BMP6: variants seen among roughly 807,000 people sequenced by gnomAD.
BMP6 encodes bone morphogenetic protein 6.
BMP6 carries 17 observed loss-of-function variants against 54.1 expected under a neutral mutation model. The observed-to-expected ratio is 0.31, with a 90% CI of 0.22 to 0.47. The LOEUF (loss-of-function observed/expected upper bound fraction) is 0.47. Ranked by LOEUF, BMP6 falls within the 20% of genes least tolerant of loss-of-function variation. The pLI, the probability that BMP6 is intolerant of heterozygous loss-of-function variation, is 1.00. For missense variants in BMP6, 720 were observed against 690.4 expected, an observed-to-expected ratio of 1.04 and a Z score of -0.48; for synonymous variants, 328 against 291.2, an observed-to-expected ratio of 1.13 and a Z score of -1.28.
chr6:7,782,358 T>C (rs1306730035), intron 1 of BMP6, among the ~76,000 whole-genome samples: 1 of 151,962 alleles, frequency 6.6e-6, no homozygotes, highest in African/African-American at 2.4e-5. Context: ...GTTGACAGAG[T>C]TCTGGAGGCT....
intron 1 of BMP6, among the ~76,000 whole-genome samples, chr6:7,745,932 C>T (rs1266476255): frequency 6.6e-6 from 1 of 152,070 alleles, no homozygotes. Flanking sequence ...TGCGTCACTA[C>T]ATTCCAGCCT....
intron 1 of BMP6, among the ~76,000 whole-genome samples, chr6:7,808,164 C>T (rs1250171170): frequency 6.6e-6 from 1 of 152,076 alleles, no homozygotes; most frequent in Admixed American, 6.5e-5. Context: ...TTGTGATCTG[C>T]CCACCTCGGC....
rs572976988 is a variant in BMP6, at chr6:7,760,458, C to CTTAT, written c.664+32854_664+32857dup. Among the ~76,000 whole-genome samples, 341 of 151,820 alleles carry CTTAT rather than the reference C, an allele frequency of 2.2e-3. 2 individuals carry two copies. Among genetic ancestry groups the CTTAT allele is most frequent in the African/African-American group, 7.9e-3 (327 of 41,414 alleles). On this transcript the variant is annotated intron_variant, in intron 1 of 6. Coordinates refer to ENST00000283147, the MANE Select transcript of BMP6 (RefSeq NM_001718.6). ...TTAGCTCTCTTGGACCATAGTTTTA[C>CTTAT]TTATTTATTTATTTATTTGTTTCTT...
chr6:7,855,985 T>C (rs1759224420), intron 2 of BMP6, among the ~76,000 whole-genome samples: 1 of 152,220 alleles, frequency 6.6e-6, no homozygotes, highest in Non-Finnish European at 1.5e-5. Flanking sequence ...ATGTTAATAT[T>C]CTAACAGCAA....
chr6:7,801,901 TAC>T (rs1213517991), intron 1 of BMP6, among the ~76,000 whole-genome samples: 2 of 152,186 alleles, frequency 1.3e-5, no homozygotes, highest in East Asian at 3.8e-4. Context: ...GGTCCTATAC[TAC>T]AATTGATGAA....
At position 7,881,587 on chromosome 6, in the gene BMP6, T is replaced by C. The variant is rs1759739818; in HGVS notation, c.*1244T>C. On this transcript the variant is annotated 3_prime_UTR_variant, in exon 7 of 7. Coordinates refer to ENST00000283147, the MANE Select transcript of BMP6 (RefSeq NM_001718.6). ...AACAAATTGTACCACTTTGATTTTC[T>C]TGGAATACAAGACTCGTGATGCAAA... is the stretch of plus-strand genomic sequence containing the variant. 1 of 152,284 alleles carries C rather than the reference T, an allele frequency of 6.6e-6. No homozygotes were observed. Among genetic ancestry groups the C allele is most frequent in the African/African-American group, 2.4e-5 (1 of 41,456 alleles). 9.4% of individuals were successfully genotyped at this position (152,284 alleles called of 1,614,324 possible).
In BMP6 at chr6:7,726,521, C is replaced by T. The variant is rs1201078537; in HGVS notation, c.-435C>T. On this transcript the variant is annotated 5_prime_UTR_variant, in exon 1 of 7. Transcript: ENST00000283147. Reference sequence around the variant, plus strand: ...CATCTCCCGCAGCTCGTGAGCGGCCCCGCTCCCCGCTGCCCCGGGTCCCAC... The same window carrying T: ...CATCTCCCGCAGCTCGTGAGCGGCCTCGCTCCCCGCTGCCCCGGGTCCCAC... 3.3e-5 allele frequency among the ~76,000 whole-genome samples: 5 copies of T among 152,160 alleles called. No homozygotes were observed. The highest frequency in any genetic ancestry group is 1.2e-4 in the African/African-American group (5 of 41,458).
At position 7,800,121 on chromosome 6, in the gene BMP6, T is replaced by A. The variant is rs1014989678; in HGVS notation, c.665-45019T>A. ...GTGTGTGTGTGTGTGTGTGTGTGTG[T>A]GATCTAAAAGAAGCCACCCTGGCAT... On this transcript the variant is annotated intron_variant, in intron 1 of 6. Coordinates refer to ENST00000283147, the MANE Select transcript of BMP6 (RefSeq NM_001718.6). Among the ~76,000 whole-genome samples, 9 of 142,304 alleles carry A rather than the reference T, an allele frequency of 6.3e-5. No homozygotes were observed. The South Asian group carries it at 6.8e-4, about 11-fold the overall frequency. The allele number at this position is 142,304 out of a possible 152,430, so 93.4% of individuals were successfully genotyped here.
intron 1 of BMP6, among the ~76,000 whole-genome samples, chr6:7,753,079 G>C (rs1200292524): frequency 6.6e-6 from 1 of 152,016 alleles, no homozygotes; most frequent in African/African-American, 2.4e-5. Context: ...AAAAAATACT[G>C]GTTGGAGTCC....
intron 1 of BMP6, among the ~76,000 whole-genome samples, chr6:7,763,696 G>A (rs1023349861): frequency 6.6e-6 from 1 of 152,150 alleles, no homozygotes; most frequent in Non-Finnish European, 1.5e-5. Flanking sequence ...GAGAAGTGGG[G>A]ACACTGCCCC....
intron 2 of BMP6, among the ~76,000 whole-genome samples, chr6:7,856,891 C>T (rs557042949): frequency 5.3e-5 from 8 of 152,260 alleles, no homozygotes; most frequent in South Asian, 2.1e-4. Flanking sequence ...CCACCGCGCC[C>T]GGCCTCAAGA....
intron 1 of BMP6, among the ~76,000 whole-genome samples, chr6:7,839,869 G>A (rs1207398951): frequency 6.6e-6 from 1 of 152,184 alleles, no homozygotes; most frequent in Non-Finnish European, 1.5e-5. Context: ...GTTTGTTTGA[G>A]GAATTGCCAC....
At chr6:7,746,358 G>A (rs999075794) in intron 1 of BMP6, among the ~76,000 whole-genome samples, 8 of 152,190 alleles carry the variant, frequency 5.3e-5, no homozygotes, top group Non-Finnish European at 1.2e-4. Context: ...ACTGATGTGT[G>A]CTTTGGGAGA....
chr6:7,760,178 C>G (rs907411913), intron 1 of BMP6, among the ~76,000 whole-genome samples: 16 of 151,138 alleles, frequency 1.1e-4, no homozygotes, highest in African/African-American at 3.9e-4. Flanking sequence ...CCTCCCACCC[C>G]AGTCTCCCAA....
At chr6:7,820,737 C>G (rs1210951207) in intron 1 of BMP6, among the ~76,000 whole-genome samples, 2 of 152,178 alleles carry the variant, frequency 1.3e-5, no homozygotes, top group Non-Finnish European at 1.5e-5. Context: ...GCACGTGTGT[C>G]TTAGGCAGCA....
chr6:7,774,063 G>C (rs1204300821), intron 1 of BMP6, among the ~76,000 whole-genome samples: 9 of 152,212 alleles, frequency 5.9e-5, no homozygotes. Context: ...GGCCAAGGTG[G>C]GAGTGGACTG....
At chr6:7,733,962 C>G (rs1761915450) in intron 1 of BMP6, among the ~76,000 whole-genome samples, 1 of 150,364 alleles carries the variant, frequency 6.7e-6, no homozygotes, top group Non-Finnish European at 1.5e-5. Context: ...CCTGCATTCC[C>G]CCTGTTCACC....
chr6:7,847,404 T>C (rs1759083850), intron 2 of BMP6, among the ~76,000 whole-genome samples: 1 of 152,312 alleles, frequency 6.6e-6, no homozygotes, highest in Admixed American at 6.5e-5. Context: ...CTCCTAGCGT[T>C]CTTCCAGAGG....
chr6:7,872,055 GT>G (rs1227836653), intron 4 of BMP6, among the ~76,000 whole-genome samples: 1 of 152,120 alleles, frequency 6.6e-6, no homozygotes, highest in Non-Finnish European at 1.5e-5. Context: ...CTGGTTTTTG[GT>G]TTGTCGCCTC....
Sources: allele counts gnomAD v4.1 joint callset (sites outside exome capture counted in the v4.1 genomes callset), GRCh38; gene constraint gnomAD v4.1.1; transcripts MANE v1.5; gene names NCBI Gene and HGNC (gene_info 2026-07-23, HGNC 2026-07-21).